TMBIM6: variants seen among roughly 807,000 people sequenced by gnomAD.
TMBIM6 encodes transmembrane BAX inhibitor motif containing 6.
A neutral mutation model predicts 31.4 loss-of-function variants in TMBIM6; 13 were observed. That is an observed-to-expected ratio of 0.41 (90% confidence interval 0.27 to 0.66). The LOEUF is 0.66. Among genes scored for constraint, TMBIM6 ranks in the 30% least tolerant of loss-of-function variants. The pLI is 0.28. For missense variants in TMBIM6, 275 were observed against 289.5 expected, an observed-to-expected ratio of 0.95 and a Z score of 0.36; for synonymous variants, 85 against 101.7, an observed-to-expected ratio of 0.84 and a Z score of 0.99.
chr12:49,755,306 A>C (rs1945568387), intron 3 of TMBIM6, among the ~76,000 whole-genome samples: 1 of 152,126 alleles, frequency 6.6e-6, no homozygotes, highest in Non-Finnish European at 1.5e-5. Context: ...GATGGAATGT[A>C]CTTTAAGCAC....
intron 1 of TMBIM6, chr12:49,743,501 C>T (rs1024043344): frequency 7.2e-5 from 11 of 152,074 alleles, no homozygotes; most frequent in African/African-American, 2.4e-4. Flanking sequence ...TCCCAAATTG[C>T]TAGGATTACA....
intron 3 of TMBIM6, among the ~76,000 whole-genome samples, chr12:49,754,901 G>A (rs1415166287): frequency 6.6e-6 from 1 of 152,084 alleles, no homozygotes; most frequent in African/African-American, 2.4e-5. Context: ...TTAGTACTTT[G>A]CAGTCTTCTG....
At chr12:49,750,673 G>T (rs1945478548) in intron 1 of TMBIM6, 1 of 152,198 alleles carries the variant, frequency 6.6e-6, no homozygotes, top group South Asian at 2.1e-4. Flanking sequence ...CACTGTATCT[G>T]TCCTTAAGAA....
At chr12:49,747,615 CT>C (rs1262368105) in intron 1 of TMBIM6, among the ~76,000 whole-genome samples, 1 of 152,112 alleles carries the variant, frequency 6.6e-6, no homozygotes, top group Non-Finnish European at 1.5e-5. Context: ...GGCCTTTTTC[CT>C]TTTTTGTTTT....
chr12:49,754,057 C>G (rs1364800696), intron 3 of TMBIM6, among the ~76,000 whole-genome samples: 5 of 152,070 alleles, frequency 3.3e-5, no homozygotes, highest in Non-Finnish European at 7.4e-5. Context: ...CAAGACAGTG[C>G]TCTGCCTTCT....
intron 4 of TMBIM6, among the ~76,000 whole-genome samples, chr12:49,756,331 T>C (rs569308865): frequency 6.6e-6 from 1 of 152,056 alleles, no homozygotes; most frequent in East Asian, 1.9e-4. Flanking sequence ...AGATGGGGTT[T>C]TACCATGTTG....
At position 49,763,166 on chromosome 12, in the gene TMBIM6, G is replaced by A. The variant is rs145793344; in HGVS notation, c.*270G>A. The stretch of plus-strand genomic sequence containing the variant: ...CTTCCTCTACTCAGGCAGTCGACCC[G>A]CCACGATGAGAAGTGGGACCAGCAG... On this transcript the variant is annotated 3_prime_UTR_variant, in exon 10 of 10. Coordinates refer to ENST00000267115, the MANE Select transcript of TMBIM6 (RefSeq NM_003217.3). 342 of 342,134 alleles carry A rather than the reference G, an allele frequency of 1.0e-3. No homozygotes were observed. The highest frequency in any genetic ancestry group is 6.6e-3 in the African/African-American group (321 of 48,714). The allele number at this position is 342,134 out of a possible 1,614,324, so 21.2% of individuals were successfully genotyped here.
chr12:49,761,956 G>A, intron 9 of TMBIM6, 177 bp downstream of exon 9: 1 of 579,958 alleles, frequency 1.7e-6, no homozygotes, highest in Non-Finnish European at 2.9e-6. Context: ...AAAGCAGCAA[G>A]TGAAAAAAAA....
intron 1 of TMBIM6, among the ~76,000 whole-genome samples, chr12:49,746,899 A>G (rs12296586): frequency 0.21 from 31,771 of 151,964 alleles, 5,465 homozygotes; most frequent in African/African-American, 0.48. Flanking sequence ...GCAGTAGCGC[A>G]ATCTCGGCTC....
rs1223598551 is a variant in TMBIM6, at chr12:49,758,771, T to C, written c.513+9T>C. The C allele has an allele frequency of 6.2e-7, 1 of 1,612,986 alleles. No individual in the cohort carries two copies. The highest frequency in any genetic ancestry group is 2.2e-5 in the East Asian group (1 of 44,896). On this transcript the variant is annotated intron_variant, in intron 7 of 9. Coordinates refer to ENST00000267115, the MANE Select transcript of TMBIM6 (RefSeq NM_003217.3). ...CCATTTGGCTTTTCCAGGTAAGACT[T>C]AGCCTGGAACTTTCCAGCAGCCATT...
intron 1 of TMBIM6, among the ~76,000 whole-genome samples, chr12:49,747,242 GAAGA>G (rs1185961125): frequency 6.6e-6 from 1 of 152,266 alleles, no homozygotes; most frequent in South Asian, 2.1e-4. Context: ...TATACAACAG[GAAGA>G]AAGAACCATG....
At chr12:49,761,662 A>G in intron 8 of TMBIM6, 42 bp from the exon 9 acceptor site, 2 of 1,599,396 alleles carry the variant, frequency 1.3e-6, no homozygotes, top group South Asian at 1.1e-5. Context: ...TGTGGATAAA[A>G]AAGTCTGAAG....
chr12:49,753,253 A>G (rs1945529600), intron 3 of TMBIM6, among the ~76,000 whole-genome samples, 172 bp downstream of exon 3: 1 of 152,218 alleles, frequency 6.6e-6, no homozygotes, highest in Non-Finnish European at 1.5e-5. Flanking sequence ...TTTTCTGGCA[A>G]CTGTGCCCCC....
intron 9 of TMBIM6, chr12:49,762,243 T>C (rs1945733883): frequency 6.1e-6 from 1 of 165,270 alleles, no homozygotes; most frequent in Non-Finnish European, 1.3e-5. Context: ...ATAGACCTTA[T>C]GGAGCTTAGA....
intron 4 of TMBIM6, 89 bp from the exon 5 acceptor site, chr12:49,758,138 G>A (rs1210887879): frequency 1.4e-6 from 2 of 1,402,512 alleles, no homozygotes; most frequent in African/African-American, 2.9e-5. Flanking sequence ...AAGAGCATGA[G>A]TATGCCTATA....
chr12:49,746,864 C>G lies in TMBIM6; in HGVS notation c.-31+5253C>G, dbSNP rs28415203. ...TGTTTTTGTTTTTTTGAGACAGAGT[C>G]TGGCTCTGTCACCCAGGCTGGAGTG... On this transcript the variant is annotated intron_variant, in intron 1 of 9. Transcript: ENST00000267115. 5.5e-3 allele frequency among the ~76,000 whole-genome samples: 833 copies of G among 151,772 alleles called. 3 individuals are homozygous for G. Among genetic ancestry groups the G allele is most frequent in the African/African-American group, 0.019 (797 of 41,060 alleles).
rs1433908491 is a variant in TMBIM6, at chr12:49,764,737, A to AAC, written c.*1842_*1843insCA. 21 of 152,364 alleles carry AAC rather than the reference A, an allele frequency of 1.4e-4. No individual in the cohort carries two copies. Among genetic ancestry groups the AAC allele is most frequent in the Middle Eastern group, 6.8e-3 (2 of 294 alleles). 9.4% of individuals were successfully genotyped at this position (152,364 alleles called of 1,614,324 possible). ...AAAAAAAAAAAGAAAGAAAAAAAAA[A>AAC]AAACACCTACTTTTAAAGAAAATAC... On this transcript the variant is annotated 3_prime_UTR_variant, in exon 10 of 10. Coordinates refer to ENST00000267115, the MANE Select transcript of TMBIM6 (RefSeq NM_003217.3).
intron 1 of TMBIM6, among the ~76,000 whole-genome samples, chr12:49,745,137 A>G (rs1002965044): frequency 6.6e-6 from 1 of 152,154 alleles, no homozygotes; most frequent in African/African-American, 2.4e-5. Flanking sequence ...TGAATGAAAC[A>G]ATTCCTTGGA....
At chr12:49,757,868 T>G (rs938151935) in intron 4 of TMBIM6, among the ~76,000 whole-genome samples, 4 of 152,220 alleles carry the variant, frequency 2.6e-5, no homozygotes, top group African/African-American at 9.6e-5. Context: ...ACTGTTTTGC[T>G]CTTTATCCTT....
Sources: allele counts gnomAD v4.1 joint callset (sites outside exome capture counted in the v4.1 genomes callset), GRCh38; gene constraint gnomAD v4.1.1; transcripts MANE v1.5; gene names NCBI Gene and HGNC (gene_info 2026-07-23, HGNC 2026-07-21).